Variants in CRACR2A observed in about 807,000 individuals in gnomAD.
CRACR2A encodes the protein calcium release activated channel regulator 2A.
Under a neutral mutation model 90.5 loss-of-function variants are expected in CRACR2A, and 79 were observed. That is an observed-to-expected ratio of 0.87 (90% CI 0.73 to 1.05). The LOEUF (loss-of-function observed/expected upper bound fraction) is 1.05, where lower values mean the gene tolerates loss of function less well. CRACR2A is among the 50% of genes least tolerant of loss of function. The pLI is 0.00. For synonymous variants in CRACR2A, 338 were observed against 356.7 expected (o/e 0.95, Z 0.59); for missense variants, 823 against 897.2 (o/e 0.92, Z 1.06).
At chr12:3,701,235 G>A (rs937936624) in intron 3 of CRACR2A, among the ~76,000 whole-genome samples, 8 of 151,522 alleles carry the variant, frequency 5.3e-5, no homozygotes, top group Non-Finnish European at 1.5e-5. Flanking sequence ...AATTTATAGC[G>A]CTAATCATAT....
intron 11 of CRACR2A, chr12:3,648,024 A>G (rs1944721049): frequency 1.0e-6 from 1 of 986,122 alleles, no homozygotes; most frequent in African/African-American, 1.7e-5. Context: ...TGATTCATTT[A>G]CTCATTCAAC....
At chr12:3,700,247 TC>T (rs1370968587) in intron 3 of CRACR2A, among the ~76,000 whole-genome samples, 1 of 152,202 alleles carries the variant, frequency 6.6e-6, no homozygotes, top group Non-Finnish European at 1.5e-5. Flanking sequence ...AAATTGTGCA[TC>T]TGACAGTGAT....
intron 10 of CRACR2A, among the ~76,000 whole-genome samples, chr12:3,651,184 C>T (rs893412135): frequency 6.6e-6 from 1 of 152,234 alleles, no homozygotes; most frequent in Non-Finnish European, 1.5e-5. Flanking sequence ...TGGAGCACTT[C>T]ACAAGCCATA....
intron 4 of CRACR2A, among the ~76,000 whole-genome samples, chr12:3,695,029 A>C (rs536431663): frequency 4.7e-4 from 71 of 152,316 alleles, no homozygotes; most frequent in African/African-American, 1.7e-3. Context: ...TTAAAACTTT[A>C]TACCTAGTTT....
chr12:3,742,284 G>T (rs1177634395), intron 1 of CRACR2A, among the ~76,000 whole-genome samples: 1 of 152,218 alleles, frequency 6.6e-6, no homozygotes, highest in Non-Finnish European at 1.5e-5. Flanking sequence ...AACTGTATAA[G>T]GAGAGGGTGA....
rs182257204 is a variant in CRACR2A at position 3,703,233 on chromosome 12, C to T, written c.-36-6198G>A. On this transcript the variant is annotated intron_variant, in intron 3 of 19. Transcript: ENST00000440314. The stretch of plus-strand genomic sequence containing the variant: ...CCTCCCGAGTACCTGGGACTACAGG[C>T]GCCCGCCACCACGCCCAGCTAATTT... Among the ~76,000 whole-genome samples the T allele has an allele frequency of 2.3e-3, 344 of 152,240 alleles. 5 individuals are homozygous for T. The East Asian group carries it at 0.037, about 16-fold the overall frequency.
chr12:3,636,875 A>T lies in CRACR2A; in HGVS notation c.1602+1249T>A, dbSNP rs952239244. Among the ~76,000 whole-genome samples, 16 of 129,954 alleles carry T rather than the reference A, an allele frequency of 1.2e-4. No individual in the cohort carries two copies. The Admixed American group carries it at 1.3e-3, about 11-fold the overall frequency. The allele number at this position is 129,954 out of a possible 152,430, so 85.3% of individuals were successfully genotyped here. A position where few individuals can be genotyped will look rare whatever the true frequency, so the allele number is the denominator to read the frequency against. On this transcript the variant is annotated intron_variant, in intron 14 of 19. Transcript: ENST00000440314. Reference sequence around the variant, plus strand: ...CCGGGAAGTCCATTAGGTAGCTCACACCCTACTGCAGCCACTGGGAAAAGT... The same window carrying T: ...CCGGGAAGTCCATTAGGTAGCTCACTCCCTACTGCAGCCACTGGGAAAAGT...
chr12:3,725,410 C>A (rs759518761), intron 2 of CRACR2A, among the ~76,000 whole-genome samples: 1 of 152,164 alleles, frequency 6.6e-6, no homozygotes, highest in Non-Finnish European at 1.5e-5. Flanking sequence ...CACTCCAGCT[C>A]TGCCTCTGTC....
rs772907511 is a variant in CRACR2A, at chr12:3,673,524, T to A, written c.593A>T (p.Glu198Val). The change falls in exon 7 of 20, where the codon GAA (glutamate) becomes GTA (valine). Residue 198 changes from glutamate to valine, a missense_variant. Transcript: ENST00000440314. ...GGAGATGATTCTGGTCAGGAAGTCT[T>A]CAAAGTTGGACAGTAAATGAGGTTC... ...KEEPHLLSNF[E>V]DFLTRIISQL... 1.2e-6 allele frequency: 2 copies of A among 1,614,022 alleles called. No individual in the cohort carries two copies. The highest frequency in any genetic ancestry group is 1.7e-6 in the Non-Finnish European group (2 of 1,180,030).
In CRACR2A at chr12:3,615,429, C is replaced by G; in HGVS notation, c.2122G>C (p.Glu708Gln). ...TCCTCTCTCACTGTGTCTTCTTGCT[C>G]CTTGAGGAACCTGGGAGAGGGGAAG... ...SLLHLARFLK[E>Q]QEDTVREDTI... The change falls in exon 20 of 20, where the codon GAG becomes CAG. Residue 708 changes from glutamate to glutamine, a missense_variant. Glu to Gln is a conservative substitution (Grantham distance 29). Coordinates refer to ENST00000440314, the MANE Select transcript of CRACR2A (RefSeq NM_001144958.2). The G allele has an allele frequency of 1.9e-6, 3 of 1,550,306 alleles. No homozygotes were observed. Among genetic ancestry groups the G allele is most frequent in the Non-Finnish European group, 2.6e-6 (3 of 1,146,256 alleles).
At position 3,644,620 on chromosome 12, in the gene CRACR2A, C is replaced by T. The variant is rs1244122157; in HGVS notation, c.1139G>A (p.Arg380Gln). The T allele has an allele frequency of 1.2e-5, 19 of 1,551,456 alleles. No homozygotes were observed. The highest frequency in any genetic ancestry group is 1.1e-4 in the South Asian group (9 of 84,044). Residue 380 changes from arginine (R) to glutamine (Q), a missense_variant, in exon 12 of 20, where the codon CGG (arginine) becomes CAG (glutamine). Physicochemically the swap from Arg to Gln is conservative, Grantham distance 43. Coordinates refer to ENST00000440314, the MANE Select transcript of CRACR2A (RefSeq NM_001144958.2). ...DFLRERNKHL[R>Q]DERDICFQKN... ...CTGAAAACATATGTCCCGTTCATCC[C>T]GAAGGTGCTTGTTCCTTTCCCTGTG...
chr12:3,708,847 G>A (rs529251831), intron 3 of CRACR2A, among the ~76,000 whole-genome samples: 42 of 152,200 alleles, frequency 2.8e-4, no homozygotes, highest in African/African-American at 9.6e-4. Flanking sequence ...TTTTCTATGC[G>A]ATATATTCTC....
intron 6 of CRACR2A, among the ~76,000 whole-genome samples, chr12:3,677,743 C>G (rs242025): frequency 0.53 from 80,357 of 152,056 alleles, 22,513 homozygotes; most frequent in East Asian, 1. Context: ...GTGGTCGACA[C>G]CTGCTGCAGC....
intron 1 of CRACR2A, among the ~76,000 whole-genome samples, chr12:3,745,894 G>C (rs1227659869): frequency 6.6e-6 from 1 of 151,674 alleles, no homozygotes; most frequent in Non-Finnish European, 1.5e-5. Flanking sequence ...CTTCCCTACA[G>C]AAAAACAAAA....
chr12:3,714,998 C>A (rs1287379517), intron 2 of CRACR2A, among the ~76,000 whole-genome samples: 2 of 152,226 alleles, frequency 1.3e-5, no homozygotes, highest in Non-Finnish European at 1.5e-5. Flanking sequence ...CTCTTTACAG[C>A]TGAGGGATTC....
chr12:3,665,354 A>T (rs1336047244), intron 7 of CRACR2A, among the ~76,000 whole-genome samples: 1 of 152,198 alleles, frequency 6.6e-6, no homozygotes, highest in Non-Finnish European at 1.5e-5. Context: ...AGTTCATTAG[A>T]TCCAGAAACA....
chr12:3,639,490 G>T (rs573090066), intron 13 of CRACR2A, among the ~76,000 whole-genome samples: 1 of 7,400 alleles, frequency 1.4e-4, no homozygotes, highest in South Asian at 8.6e-3. Flanking sequence ...ATGCAAGCAT[G>T]CACACAGACT....
At position 3,633,825 on chromosome 12, in the gene CRACR2A, A is replaced by G. The variant is rs1284641198; in HGVS notation, c.1603-89T>C. ...CCAGAGGCCCTTTACCCATCCCTAC[A>G]GTGGCCCTCAGGAGGTGCAGACCGG... is the stretch of plus-strand genomic sequence containing the variant. On this transcript the variant is annotated intron_variant, in intron 14 of 19. Coordinates refer to ENST00000440314, the MANE Select transcript of CRACR2A (RefSeq NM_001144958.2). This position sits in a 1 kb window ranked among gnomAD's most constrained non-coding sequence, Gnocchi z 4.5. The G allele has an allele frequency of 3.9e-6, 6 of 1,522,024 alleles. No homozygotes were observed. Among genetic ancestry groups the G allele is most frequent in the Non-Finnish European group, 4.4e-6 (5 of 1,131,984 alleles). 94.3% of individuals were successfully genotyped at this position (1,522,024 alleles called of 1,614,324 possible). A position where few individuals can be genotyped will look rare whatever the true frequency, so the allele number is the denominator to read the frequency against.
chr12:3,712,869 C>T (rs1025190899), intron 3 of CRACR2A, among the ~76,000 whole-genome samples: 1 of 152,032 alleles, frequency 6.6e-6, no homozygotes, highest in Non-Finnish European at 1.5e-5. Flanking sequence ...CTGTGAGTGA[C>T]CAGTGGCTGA....
Sources: allele counts gnomAD v4.1 joint callset (sites outside exome capture counted in the v4.1 genomes callset), GRCh38; gene constraint gnomAD v4.1.1; non-coding constraint Gnocchi (gnomAD v3.1); transcripts MANE v1.5; gene names NCBI Gene and HGNC (gene_info 2026-07-23, HGNC 2026-07-21).